Variants in ZNF506 observed in about 807,000 individuals in gnomAD.
The protein encoded by ZNF506 is zinc finger protein 506.
In ZNF506, 10 loss-of-function variants were observed where a neutral mutation model predicts 11.6. The observed-to-expected ratio is 0.86, with a 90% CI of 0.53 to 1.46. The LOEUF (loss-of-function observed/expected upper bound fraction) is 1.46, where lower values mean the gene tolerates loss of function less well. Among genes scored for constraint, ZNF506 ranks in the 40% most tolerant of loss-of-function variants. The pLI is 0.00. For synonymous variants in ZNF506, 156 were observed against 173.3 expected, an observed-to-expected ratio of 0.90 and a Z score of 0.78; for missense variants, 425 against 521.2, an observed-to-expected ratio of 0.82 and a Z score of 1.80.
At chr19:19,819,790 T>C (rs764370479) in intron 1 of ZNF506, among the ~76,000 whole-genome samples, 1 of 152,192 alleles carries the variant, frequency 6.6e-6, no homozygotes, top group Non-Finnish European at 1.5e-5. Flanking sequence ...AATAGTGTTA[T>C]GCAATACTTT....
chr19:19,812,491 G>T (rs1490071442), intron 1 of ZNF506, among the ~76,000 whole-genome samples: 1 of 152,190 alleles, frequency 6.6e-6, no homozygotes, highest in Non-Finnish European at 1.5e-5. Context: ...TGTGATCATG[G>T]CTCTGGATAC....
intron 3 of ZNF506, chr19:19,796,259 TA>T (rs1388432758): frequency 6.6e-6 from 1 of 152,358 alleles, no homozygotes; most frequent in Non-Finnish European, 1.5e-5. Context: ...CCAGCCTAGG[TA>T]ACAGAGTGAG....
chr19:19,808,108 CTTTTTTTTTTTTTTTTT>C (rs757160026), intron 1 of ZNF506, among the ~76,000 whole-genome samples: 18 of 56,774 alleles, frequency 3.2e-4, no homozygotes, highest in South Asian at 1.8e-3. Flanking sequence ...TCATTAACCA[CTTTTTTTTTTTTTTTTT>C]TTTTTTTTTT....
intron 1 of ZNF506, among the ~76,000 whole-genome samples, chr19:19,813,663 T>C (rs2062902309): frequency 2.6e-5 from 4 of 152,312 alleles, no homozygotes; most frequent in South Asian, 4.1e-4. Flanking sequence ...CTATCAATGG[T>C]AGACTGGATA....
In ZNF506 at chr19:19,797,446, A is replaced by T. The variant is rs201942655; in HGVS notation, c.227-1786T>A. ...GAGACTCCGTCTCAGGAAAAAAAAA[A>T]AAAAAAAAACAAATAAAATAAATTT... On this transcript the variant is annotated intron_variant, in intron 3 of 3. Transcript: ENST00000540806. 5 of 151,850 alleles carry T rather than the reference A, an allele frequency of 3.3e-5. No homozygotes were observed. In the East Asian group the frequency reaches 5.8e-4, roughly 18 times the overall value. 9.4% of individuals were successfully genotyped at this position (151,850 alleles called of 1,614,324 possible).
At chr19:19,812,400 G>A (rs2062890102) in intron 1 of ZNF506, among the ~76,000 whole-genome samples, 1 of 152,254 alleles carries the variant, frequency 6.6e-6, no homozygotes, top group Non-Finnish European at 1.5e-5. Context: ...CACCCATTCT[G>A]ATTTACTAGC....
intron 1 of ZNF506, among the ~76,000 whole-genome samples, chr19:19,815,798 C>T (rs558002329): frequency 4.6e-5 from 7 of 152,310 alleles, no homozygotes; most frequent in Non-Finnish European, 2.9e-5. Flanking sequence ...TGGGGAGTCC[C>T]ATAACCTCTC....
chr19:19,794,490 C>T lies in ZNF506; in HGVS notation c.*62G>A. 1 of 1,461,036 alleles carries T rather than the reference C, an allele frequency of 6.8e-7. No individual in the cohort carries two copies. The highest frequency in any genetic ancestry group is 9.3e-7 in the Non-Finnish European group (1 of 1,080,720). 90.5% of individuals were successfully genotyped at this position (1,461,036 alleles called of 1,614,324 possible). On this transcript the variant is annotated 3_prime_UTR_variant, in exon 4 of 4. Transcript: ENST00000540806. ...ATAAATTCTCATATTTAGTCAGAGT[C>T]CAGGGCTAGTTAAAGGCTTTCCCAC...
intron 1 of ZNF506, 137 bp downstream of exon 1, chr19:19,821,464 A>G: frequency 8.5e-7 from 1 of 1,174,538 alleles, no homozygotes; most frequent in South Asian, 1.2e-5. Context: ...GAGCTGGGCA[A>G]TGAGAACTTG....
rs138547954 is a variant in ZNF506, at chr19:19,816,573, T to C, written c.3+5028A>G. Among the ~76,000 whole-genome samples the C allele has an allele frequency of 2.3e-3, 344 of 152,256 alleles. 5 individuals are homozygous for C. Among genetic ancestry groups the C allele is most frequent in the East Asian group, 0.013 (68 of 5,144 alleles). The stretch of plus-strand genomic sequence containing the variant: ...CAGGGTTTCACCCTGTTAGCCAGGA[T>C]GGTCTCGATCTCCTGACCTCGTGAT... On this transcript the variant is annotated intron_variant, in intron 1 of 3. Coordinates refer to ENST00000540806, the MANE Select transcript of ZNF506 (RefSeq NM_001099269.3).
intron 1 of ZNF506, among the ~76,000 whole-genome samples, chr19:19,810,574 G>A (rs991097733): frequency 6.6e-6 from 1 of 151,722 alleles, no homozygotes; most frequent in Non-Finnish European, 1.5e-5. Flanking sequence ...AAATTGTATA[G>A]AATAAAAGCT....
intron 1 of ZNF506, among the ~76,000 whole-genome samples, chr19:19,810,254 A>G (rs1055195416): frequency 1.3e-5 from 2 of 152,180 alleles, no homozygotes; most frequent in African/African-American, 2.4e-5. Context: ...ACAACCAAAT[A>G]CTTCTGGTAC....
At position 19,821,100 on chromosome 19, in the gene ZNF506, A is replaced by C. The variant is rs375800963; in HGVS notation, c.3+501T>G. On this transcript the variant is annotated intron_variant, in intron 1 of 3. Transcript: ENST00000540806. Reference sequence around the variant, plus strand: ...TTTTTAGTAGACATGGGGTTTCCCCATTTTGGCCAGGCTTGTCTTGAACTC... The same window carrying C: ...TTTTTAGTAGACATGGGGTTTCCCCCTTTTGGCCAGGCTTGTCTTGAACTC... Among the ~76,000 whole-genome samples the C allele has an allele frequency of 3.9e-5, 6 of 152,118 alleles. No homozygotes were observed. The South Asian group carries it at 6.2e-4, about 16-fold the overall frequency.
intron 1 of ZNF506, among the ~76,000 whole-genome samples, chr19:19,821,312 C>T (rs1242925686): frequency 6.6e-6 from 1 of 152,212 alleles, no homozygotes; most frequent in Non-Finnish European, 1.5e-5. Flanking sequence ...CTTCCCGTGG[C>T]CCCTGAACAA....
In ZNF506 at chr19:19,795,094, C is replaced by G; in HGVS notation, c.793G>C (p.Ala265Pro). The change falls in exon 4 of 4, where the codon GCT (alanine) becomes CCT (proline). Residue 265 changes from alanine to proline, a missense_variant. This residue lies in a region of ZNF506 where 192 missense variants were observed against 215.7 expected (regional missense o/e 0.89). Coordinates refer to ENST00000540806, the MANE Select transcript of ZNF506 (RefSeq NM_001099269.3). The stretch of plus-strand genomic sequence containing the variant: ...AAAAGGGTTGCAGGGTGGTTAAAAG[C>G]TTTGCCACATTCTCTACATCTGTAG... ...KPYRCRECGK[A>P]FNHPATLFSH... 1 of 1,613,714 alleles carries G rather than the reference C, an allele frequency of 6.2e-7. No homozygotes were observed. The highest frequency in any genetic ancestry group is 8.5e-7 in the Non-Finnish European group (1 of 1,179,886).
At position 19,806,887 on chromosome 19, in the gene ZNF506, G is replaced by C. The variant is rs1010344027; in HGVS notation, c.130+55C>G. On this transcript the variant is annotated intron_variant, in intron 2 of 3. Transcript: ENST00000540806. ...TTACTAAAAAACATTCTACAAAAAA[G>C]AGAAATAAAACCTTTAGAGTAATAT... 5.8e-6 allele frequency: 9 copies of C among 1,558,416 alleles called. No individual in the cohort carries two copies. The African/African-American group carries it at 8.4e-5, about 14-fold the overall frequency.
chr19:19,816,560 C>G lies in ZNF506; in HGVS notation c.3+5041G>C, dbSNP rs565001504. ...TTTGTAGTAGAGACAGGGTTTCACC[C>G]TGTTAGCCAGGATGGTCTCGATCTC... On this transcript the variant is annotated intron_variant, in intron 1 of 3. Transcript: ENST00000540806. Among the ~76,000 whole-genome samples the G allele has an allele frequency of 5.0e-4, 76 of 152,132 alleles. 1 individual carries two copies. The highest frequency in any genetic ancestry group is 1.0e-3 in the Admixed American group (16 of 15,278).
chr19:19,821,461 G>T (rs2062966436), intron 1 of ZNF506, 140 bp downstream of exon 1: 4 of 1,127,312 alleles, frequency 3.5e-6, no homozygotes, highest in Non-Finnish European at 5.4e-6. Flanking sequence ...GCGGAGCTGG[G>T]CAATGAGAAC....
At chr19:19,802,852 G>T (rs999292255) in intron 3 of ZNF506, among the ~76,000 whole-genome samples, 10 of 152,132 alleles carry the variant, frequency 6.6e-5, no homozygotes, top group African/African-American at 2.2e-4. Context: ...AGCAAAAAAA[G>T]GTTAGCTATC....
Sources: gnomAD v4.1 joint callset for allele counts (sites outside exome capture counted in the v4.1 genomes callset) on GRCh38, gnomAD v4.1.1 for gene constraint, gnomAD v4.1.1 regional missense constraint, MANE v1.5 for transcripts, NCBI Gene and HGNC (gene_info 2026-07-23, HGNC 2026-07-21) for gene names.